Variants in SPATA16 observed in about 807,000 individuals in gnomAD.
SPATA16 encodes the protein spermatogenesis associated 16, also known as spermatogenesis-associated protein 16.
Under a neutral mutation model 63.3 loss-of-function variants are expected in SPATA16, and 36 were observed. The observed-to-expected ratio is 0.57, with a 90% CI of 0.44 to 0.75. SPATA16 has a LOEUF of 0.75. Among genes scored for constraint, SPATA16 ranks in the 30% least tolerant of loss-of-function variants. The probability of loss-of-function intolerance (pLI) is 0.00; values close to 1 mark genes in which losing one functional copy is unlikely to be tolerated. For synonymous variants in SPATA16, 203 were observed against 216.7 expected (o/e 0.94, Z 0.56); for missense variants, 646 against 679.3 (o/e 0.95, Z 0.54).
chr3:172,915,083 G>A (rs1001210369), intron 9 of SPATA16, among the ~76,000 whole-genome samples: 8 of 152,074 alleles, frequency 5.3e-5, no homozygotes, highest in African/African-American at 1.9e-4. Context: ...CACTTTGAAA[G>A]CTCCATACTT....
chr3:173,112,051 T>C (rs1737762768), intron 2 of SPATA16, among the ~76,000 whole-genome samples: 1 of 152,236 alleles, frequency 6.6e-6, no homozygotes, highest in African/African-American at 2.4e-5. Flanking sequence ...CCATATTTTA[T>C]GATTCAATGG....
intron 6 of SPATA16, among the ~76,000 whole-genome samples, chr3:172,946,430 TGGATCCGCCCTGGGCCAAAG>T (rs71162319): frequency 0.33 from 50,029 of 151,978 alleles, 8,455 homozygotes; most frequent in Admixed American, 0.39. Context: ...ACAGTATTTC[TGGATCCGCCCTGGGCCAAAG>T]GGAAGCCTCC....
chr3:172,895,622 C>A (rs1731992445), intron 10 of SPATA16, among the ~76,000 whole-genome samples: 1 of 152,126 alleles, frequency 6.6e-6, no homozygotes, highest in African/African-American at 2.4e-5. Context: ...AAGTGAGCCA[C>A]CGTGCCTGGC....
chr3:173,008,892 C>G (rs1734999033), intron 4 of SPATA16, among the ~76,000 whole-genome samples: 1 of 151,970 alleles, frequency 6.6e-6, no homozygotes, highest in South Asian at 2.1e-4. Flanking sequence ...GCAATTTTTG[C>G]TAAAATAAAA....
intron 3 of SPATA16, among the ~76,000 whole-genome samples, chr3:173,028,074 CCTTTCT>C (rs1306422942): frequency 2.2e-4 from 21 of 97,668 alleles, no homozygotes; most frequent in Admixed American, 1.9e-3. Context: ...TTCCTTCCTT[CCTTTCT>C]CTCTCTCTCT....
intron 4 of SPATA16, among the ~76,000 whole-genome samples, chr3:172,998,657 T>G (rs1339970724): frequency 6.6e-6 from 1 of 152,176 alleles, no homozygotes; most frequent in Non-Finnish European, 1.5e-5. Flanking sequence ...CACCATTAAG[T>G]GCAATGTTAG....
At chr3:172,998,032 C>G (rs1734729217) in intron 4 of SPATA16, among the ~76,000 whole-genome samples, 1 of 151,766 alleles carries the variant, frequency 6.6e-6, no homozygotes, top group Non-Finnish European at 1.5e-5. Flanking sequence ...GGTCTTCTAC[C>G]TCTCTATATA....
chr3:173,049,040 T>C lies in SPATA16; in HGVS notation c.667A>G (p.Ile223Val), dbSNP rs1225404709. Residue 223 changes from isoleucine (I) to valine (V), a missense_variant, in exon 3 of 11, where the codon ATA (isoleucine) becomes GTA (valine). Transcript: ENST00000351008. ...TCAATGAAACTTGCCACGCTTGCTATATCTTCAGCAGGTGCATCAAATGGT... is the reference window on the plus strand; with the variant it reads ...TCAATGAAACTTGCCACGCTTGCTACATCTTCAGCAGGTGCATCAAATGGT... The part of the protein sequence containing the change: ...GEPFDAPAED[I>V]ASVASFIETK... 3 of 1,613,802 alleles carry C rather than the reference T, an allele frequency of 1.9e-6. No homozygotes were observed. The highest frequency in any genetic ancestry group is 2.5e-6 in the Non-Finnish European group (3 of 1,179,768).
chr3:173,013,236 G>C (rs1735110054), intron 4 of SPATA16, among the ~76,000 whole-genome samples: 1 of 152,144 alleles, frequency 6.6e-6, no homozygotes. Context: ...ACATCAGTTG[G>C]AAAGGTTGTT....
At chr3:173,006,175 C>A (rs745348839) in intron 4 of SPATA16, among the ~76,000 whole-genome samples, 5 of 152,140 alleles carry the variant, frequency 3.3e-5, no homozygotes, top group Non-Finnish European at 7.4e-5. Flanking sequence ...CAAGACACAA[C>A]ATTTTTACAG....
chr3:172,959,042 C>G (rs9852333), intron 5 of SPATA16, among the ~76,000 whole-genome samples: 58,146 of 151,970 alleles, frequency 0.38, 12,052 homozygotes, highest in Non-Finnish European at 0.46. Flanking sequence ...CTGATGGTCT[C>G]TGAATATCTT....
chr3:172,966,828 A>G (rs1037664173), intron 5 of SPATA16, among the ~76,000 whole-genome samples: 3 of 152,234 alleles, frequency 2.0e-5, no homozygotes, highest in Admixed American at 2.0e-4. Flanking sequence ...ACAGCTTAAA[A>G]AATTTCATGA....
chr3:173,096,974 A>G (rs1737372012), intron 2 of SPATA16, among the ~76,000 whole-genome samples: 2 of 152,204 alleles, frequency 1.3e-5, no homozygotes, highest in South Asian at 2.1e-4. Context: ...TATCATATAC[A>G]GTAGTCCCTT....
At chr3:173,004,457 C>A (rs1442958987) in intron 4 of SPATA16, among the ~76,000 whole-genome samples, 6 of 151,262 alleles carry the variant, frequency 4.0e-5, no homozygotes, top group East Asian at 1.9e-4. Context: ...AACACCACCA[C>A]CAACAACAGC....
chr3:172,916,839 C>T (rs1040904229), intron 8 of SPATA16, among the ~76,000 whole-genome samples: 1 of 152,220 alleles, frequency 6.6e-6, no homozygotes, highest in South Asian at 2.1e-4. Flanking sequence ...TTATCTATAT[C>T]ACCAAAGCAT....
chr3:172,966,485 T>C (rs2108243666), intron 5 of SPATA16, among the ~76,000 whole-genome samples: 1 of 152,320 alleles, frequency 6.6e-6, no homozygotes, highest in Admixed American at 6.5e-5. Flanking sequence ...TAATAGCACC[T>C]ATGCTTTCTT....
At chr3:172,913,777 A>G (rs1473548270) in intron 9 of SPATA16, 33 bp from the exon 10 acceptor site, 3 of 1,579,798 alleles carry the variant, frequency 1.9e-6, no homozygotes, top group Admixed American at 1.7e-5. Flanking sequence ...ATCAGTGTGG[A>G]ATTCACACAG....
At chr3:172,968,649 C>G (rs1733973347) in intron 5 of SPATA16, among the ~76,000 whole-genome samples, 1 of 152,186 alleles carries the variant, frequency 6.6e-6, no homozygotes, top group African/African-American at 2.4e-5. Context: ...CTGCAGCACT[C>G]ACAGAACATC....
chr3:173,130,416 T>C (rs1481057215), intron 1 of SPATA16, among the ~76,000 whole-genome samples: 1 of 140,186 alleles, frequency 7.1e-6, no homozygotes, highest in Non-Finnish European at 1.6e-5. Flanking sequence ...TCTCATATAA[T>C]ACAGCTTTCA....
Sources: gnomAD v4.1 joint callset for allele counts (sites outside exome capture counted in the v4.1 genomes callset) on GRCh38, gnomAD v4.1.1 for gene constraint, MANE v1.5 for transcripts, NCBI Gene and HGNC (gene_info 2026-07-23, HGNC 2026-07-21) for gene names.